The following ADCY1 variants were observed in gnomAD, a reference collection of about 807,000 sequenced individuals.
ADCY1 encodes the protein adenylate cyclase 1, also known as adenylate cyclase type 1.
In ADCY1, 28 loss-of-function variants were observed where a neutral mutation model predicts 105.4. The observed-to-expected ratio is 0.27, with a 90% confidence interval of 0.20 to 0.36. The LOEUF is 0.36. ADCY1 is among the 10% of genes least tolerant of loss of function. The probability of loss-of-function intolerance (pLI) is 1.00; values close to 1 mark genes in which losing one functional copy is unlikely to be tolerated. For missense variants in ADCY1, 977 were observed against 1,434.2 expected (o/e 0.68, Z 5.15); for synonymous variants, 655 against 623.8 (o/e 1.05, Z -0.75).
Position 45,662,082 on chromosome 7 carries a change from A to C in ADCY1, c.1473A>C (p.Ser491=), listed in dbSNP as rs1343382726. 1 of 1,614,068 alleles carries C rather than the reference A, an allele frequency of 6.2e-7. No homozygotes were observed. The highest frequency in any genetic ancestry group is 2.2e-5 in the East Asian group (1 of 44,874). The change falls in exon 8 of 20, where the codon TCA becomes TCC. Residue 491 remains serine, a synonymous_variant. Coordinates refer to ENST00000297323, the MANE Select transcript of ADCY1 (RefSeq NM_021116.4). ...RRKIFPGLIL[S]DIKPAKRMKF... Reference sequence around the variant, plus strand: ...AGATATTTCCAGGCCTGATTCTCTCAGATATAAAACCGGCCAAAAGGATGA... The same window carrying C: ...AGATATTTCCAGGCCTGATTCTCTCCGATATAAAACCGGCCAAAAGGATGA...
At chr7:45,627,537 A>T (rs1409039493) in intron 4 of ADCY1, among the ~76,000 whole-genome samples, 1 of 152,200 alleles carries the variant, frequency 6.6e-6, no homozygotes, top group Non-Finnish European at 1.5e-5. Context: ...TTTAAGTGGG[A>T]CAGTGCCATG....
In ADCY1 at chr7:45,718,826, C is replaced by G. The variant is rs1785408958; in HGVS notation, c.*4831C>G. 1 of 152,656 alleles carries G rather than the reference C, an allele frequency of 6.6e-6. No homozygotes were observed. The highest frequency in any genetic ancestry group is 6.5e-5 in the Admixed American group (1 of 15,284). 9.5% of individuals were successfully genotyped at this position (152,656 alleles called of 1,614,324 possible). A position where few individuals can be genotyped will look rare whatever the true frequency, so the allele number is the denominator to read the frequency against. ...GGGGCAGGGCCTGAGGACTGCTCCC[C>G]CTGCATGGAGGGCAGGCCAGGATGG... On this transcript the variant is annotated 3_prime_UTR_variant, in exon 20 of 20. Coordinates refer to ENST00000297323, the MANE Select transcript of ADCY1 (RefSeq NM_021116.4).
intron 4 of ADCY1, among the ~76,000 whole-genome samples, chr7:45,633,651 A>C (rs1332830898): frequency 1.3e-5 from 2 of 152,012 alleles, no homozygotes; most frequent in African/African-American, 2.4e-5. Flanking sequence ...AAAGTACAAA[A>C]ATTAGCTGGG....
intron 1 of ADCY1, among the ~76,000 whole-genome samples, chr7:45,582,979 G>A (rs956112465): frequency 2.6e-5 from 4 of 152,218 alleles, no homozygotes; most frequent in Non-Finnish European, 5.9e-5. Context: ...TTGATCTCCA[G>A]GCTTTAGTGT....
chr7:45,589,203 C>T (rs113673721), intron 1 of ADCY1, among the ~76,000 whole-genome samples: 4,677 of 152,148 alleles, frequency 0.031, 96 homozygotes, highest in African/African-American at 0.055. Context: ...GATGAGGGCC[C>T]GAGAGGGTGT....
chr7:45,654,152 A>G (rs1794882034), intron 5 of ADCY1, among the ~76,000 whole-genome samples: 1 of 152,238 alleles, frequency 6.6e-6, no homozygotes, highest in Non-Finnish European at 1.5e-5. Flanking sequence ...GCCGGTGGCC[A>G]ATATGGCAGG....
intron 2 of ADCY1, among the ~76,000 whole-genome samples, chr7:45,609,726 G>A (rs1793479306): frequency 1.3e-5 from 2 of 152,148 alleles, no homozygotes; most frequent in Admixed American, 1.3e-4. Flanking sequence ...TCCAACTGGA[G>A]GATGAGAATC....
chr7:45,659,680 A>G (rs1197450690), intron 6 of ADCY1, among the ~76,000 whole-genome samples: 1 of 152,106 alleles, frequency 6.6e-6, no homozygotes, highest in African/African-American at 2.4e-5. Context: ...AGGGACTCCC[A>G]TGTCTCCTCT....
In ADCY1 at chr7:45,575,962, G is replaced by A. The variant is rs2115684522; in HGVS notation, c.639+780G>A. ...TTCCAACTGCCCGGAGGTGGACGTGGACCAGAGGTCTTTGCCCCACGGCGG... is the reference window on the plus strand; with the variant it reads ...TTCCAACTGCCCGGAGGTGGACGTGAACCAGAGGTCTTTGCCCCACGGCGG... On this transcript the variant is annotated intron_variant, in intron 1 of 19. Transcript: ENST00000297323. The surrounding 1 kb of genome is among the most constrained non-coding windows in gnomAD (Gnocchi z 4.7). Among the ~76,000 whole-genome samples, 1 of 152,366 alleles carries A rather than the reference G, an allele frequency of 6.6e-6. No individual in the cohort carries two copies. The highest frequency in any genetic ancestry group is 1.9e-4 in the East Asian group (1 of 5,180).
intron 1 of ADCY1, among the ~76,000 whole-genome samples, chr7:45,576,529 T>C (rs1224380272): frequency 6.6e-6 from 1 of 150,736 alleles, no homozygotes; most frequent in East Asian, 2.0e-4. Flanking sequence ...GAGGTAGAGG[T>C]GAAGGGCAGA....
intron 2 of ADCY1, among the ~76,000 whole-genome samples, chr7:45,598,391 A>G (rs1416699825): frequency 1.3e-5 from 2 of 152,242 alleles, no homozygotes; most frequent in African/African-American, 4.8e-5. Context: ...TTCTTTTAAC[A>G]GAGCTTTTTC....
At chr7:45,610,766 GATAGTGGAGGTGT>G in intron 3 of ADCY1, among the ~76,000 whole-genome samples, 2 of 149,940 alleles carry the variant, frequency 1.3e-5, no homozygotes, top group African/African-American at 4.9e-5. Flanking sequence ...GTGTAGAGGT[GATAGTGGAGGTGT>G]GGGGGTGATG....
chr7:45,721,822 G>A lies in ADCY1; in HGVS notation c.*7827G>A, dbSNP rs142634549. The A allele has an allele frequency of 4.7e-4, 188 of 398,604 alleles. No individual in the cohort carries two copies. The highest frequency in any genetic ancestry group is 3.7e-3 in the African/African-American group (181 of 48,724). The allele number at this position is 398,604 out of a possible 1,614,324, so 24.7% of individuals were successfully genotyped here. A position where few individuals can be genotyped will look rare whatever the true frequency, so the allele number is the denominator to read the frequency against. Reference sequence around the variant, plus strand: ...CTCTCCTGGGCATTGGTTCCTGCTGGTACCGGGCGGTTCAGACCTTCAAAT... The same window carrying A: ...CTCTCCTGGGCATTGGTTCCTGCTGATACCGGGCGGTTCAGACCTTCAAAT... On this transcript the variant is annotated 3_prime_UTR_variant, in exon 20 of 20. Coordinates refer to ENST00000297323, the MANE Select transcript of ADCY1 (RefSeq NM_021116.4).
rs766743051 is a variant in ADCY1 at position 45,721,655 on chromosome 7, T to A, written c.*7660T>A. ...AGAGCCATTTAATGTTATTGTCATATGCTGCTGGTGAGGTAAAGGTGGGTC... is the reference window on the plus strand; with the variant it reads ...AGAGCCATTTAATGTTATTGTCATAAGCTGCTGGTGAGGTAAAGGTGGGTC... On this transcript the variant is annotated 3_prime_UTR_variant, in exon 20 of 20. Coordinates refer to ENST00000297323, the MANE Select transcript of ADCY1 (RefSeq NM_021116.4). 4 of 398,518 alleles carry A rather than the reference T, an allele frequency of 1.0e-5. No homozygotes were observed. Among genetic ancestry groups the A allele is most frequent in the Non-Finnish European group, 1.8e-5 (4 of 226,096 alleles). The allele number at this position is 398,518 out of a possible 1,614,324, so 24.7% of individuals were successfully genotyped here.
chr7:45,609,235 C>T (rs139905842), intron 2 of ADCY1, among the ~76,000 whole-genome samples: 120 of 152,282 alleles, frequency 7.9e-4, no homozygotes, highest in Non-Finnish European at 7.2e-4. Flanking sequence ...GTGCTCCTTC[C>T]GAGAAAGTCA....
In ADCY1 at chr7:45,588,142, A is replaced by G. The variant is rs6970284; in HGVS notation, c.640-4617A>G. On this transcript the variant is annotated intron_variant, in intron 1 of 19. Transcript: ENST00000297323. ...ATTTTATACTTTGGGTTACAATTCA[A>G]TACTGCTTTGTGTTGCTCAAATTGT... Among the ~76,000 whole-genome samples the G allele has an allele frequency of 8.6e-3, 1,304 of 152,278 alleles. 17 individuals carry two copies. The highest frequency in any genetic ancestry group is 0.03 in the African/African-American group (1,237 of 41,546).
At position 45,718,845 on chromosome 7, in the gene ADCY1, A is replaced by C. The variant is rs549734170; in HGVS notation, c.*4850A>C. 6.5e-6 allele frequency: 1 copy of C among 152,890 alleles called. No individual in the cohort carries two copies. The highest frequency in any genetic ancestry group is 2.1e-4 in the South Asian group (1 of 4,828). 9.5% of individuals were successfully genotyped at this position (152,890 alleles called of 1,614,324 possible). A position where few individuals can be genotyped will look rare whatever the true frequency, so the allele number is the denominator to read the frequency against. ...GCTCCCCCTGCATGGAGGGCAGGCCAGGATGGAGCCCAGGGTAGACTTTGA... is the reference window on the plus strand; with the variant it reads ...GCTCCCCCTGCATGGAGGGCAGGCCCGGATGGAGCCCAGGGTAGACTTTGA... On this transcript the variant is annotated 3_prime_UTR_variant, in exon 20 of 20. Coordinates refer to ENST00000297323, the MANE Select transcript of ADCY1 (RefSeq NM_021116.4).
chr7:45,637,975 T>G (rs909331625), intron 4 of ADCY1, among the ~76,000 whole-genome samples: 2 of 152,232 alleles, frequency 1.3e-5, no homozygotes, highest in Non-Finnish European at 2.9e-5. Flanking sequence ...TCTTTCTTTG[T>G]TTGAAATAGG....
chr7:45,638,651 G>T (rs1794456816), intron 4 of ADCY1, among the ~76,000 whole-genome samples: 1 of 152,144 alleles, frequency 6.6e-6, no homozygotes, highest in South Asian at 2.1e-4. Context: ...AGTCCCTGTT[G>T]TTGGACATGC....
Sources: gnomAD v4.1 joint callset for allele counts (sites outside exome capture counted in the v4.1 genomes callset) on GRCh38, gnomAD v4.1.1 for gene constraint, Gnocchi (gnomAD v3.1) non-coding constraint, MANE v1.5 for transcripts, NCBI Gene and HGNC (gene_info 2026-07-23, HGNC 2026-07-21) for gene names.